The following RAB28 variants were observed in gnomAD, a reference collection of about 807,000 sequenced individuals.
The protein encoded by RAB28 is RAB28, member RAS oncogene family, also known as ras-related protein Rab-28.
Under a neutral mutation model 31.7 loss-of-function variants are expected in RAB28, and 24 were observed. The ratio of observed to expected loss-of-function variants is 0.76; its 90% CI spans 0.55 to 1.06. The LOEUF is 1.06. Among genes scored for constraint, RAB28 ranks in the 50% least tolerant of loss-of-function variants. RAB28 has a pLI of 0.00. For missense variants in RAB28, 254 were observed against 258.5 expected, an observed-to-expected ratio of 0.98 and a Z score of 0.12; for synonymous variants, 100 against 90.4, an observed-to-expected ratio of 1.11 and a Z score of -0.60.
At chr4:13,467,687 CAAAT>C (rs904966372) in intron 3 of RAB28, among the ~76,000 whole-genome samples, 6 of 151,774 alleles carry the variant, frequency 4.0e-5, no homozygotes, top group Non-Finnish European at 5.9e-5. Flanking sequence ...AGAAAATACT[CAAAT>C]AAAACCAGAG....
chr4:13,392,238 G>C (rs1199391413), intron 4 of RAB28, among the ~76,000 whole-genome samples: 4 of 152,024 alleles, frequency 2.6e-5, no homozygotes, highest in African/African-American at 9.7e-5. Context: ...CTGTATATTA[G>C]GATATAGAGA....
intron 4 of RAB28, 62 bp downstream of exon 4, chr4:13,460,637 A>C (rs1205746047): frequency 6.2e-7 from 1 of 1,601,700 alleles, no homozygotes; most frequent in Non-Finnish European, 8.5e-7. Flanking sequence ...GGGGGGACAC[A>C]AACATTCTGT....
chr4:13,474,831 C>T (rs1716277226), intron 2 of RAB28, among the ~76,000 whole-genome samples: 1 of 151,618 alleles, frequency 6.6e-6, no homozygotes, highest in African/African-American at 2.4e-5. Flanking sequence ...GTTCTAAACT[C>T]TATGGCTTCT....
intron 4 of RAB28, among the ~76,000 whole-genome samples, chr4:13,452,243 TTTTG>T (rs946791341): frequency 3.9e-4 from 60 of 151,990 alleles, no homozygotes; most frequent in African/African-American, 1.3e-3. Flanking sequence ...TTGTTGAAAT[TTTTG>T]TTTGTTTTTT....
intron 4 of RAB28, among the ~76,000 whole-genome samples, chr4:13,421,598 A>G (rs566950041): frequency 6.6e-5 from 10 of 152,294 alleles, no homozygotes; most frequent in Admixed American, 4.6e-4. Flanking sequence ...AAACAACACC[A>G]CACATCTACA....
Position 13,443,778 on chromosome 4 carries a change from A to G in RAB28, c.391+16921T>C, listed in dbSNP as rs1009805291. 5.3e-5 allele frequency among the ~76,000 whole-genome samples: 8 copies of G among 152,084 alleles called. No individual in the cohort carries two copies. In the East Asian group the frequency reaches 9.7e-4, roughly 18 times the overall value. On this transcript the variant is annotated intron_variant, in intron 4 of 6. Transcript: ENST00000330852. ...CTGTAGTTACCATGCTGTACAATAG[A>G]TCCCCAGAACTTATTCATCCTAAGT...
chr4:13,465,754 AACACACACACACAC>A (rs33979911), intron 3 of RAB28, among the ~76,000 whole-genome samples: 2 of 142,112 alleles, frequency 1.4e-5, no homozygotes, highest in East Asian at 2.1e-4. Context: ...GGCAATCATG[AACACACACACACAC>A]ACACACACAC....
intron 4 of RAB28, among the ~76,000 whole-genome samples, chr4:13,457,077 T>C (rs1715339274): frequency 1.3e-5 from 2 of 152,232 alleles, no homozygotes; most frequent in South Asian, 2.1e-4. Context: ...ACATTTCTTT[T>C]CAACATATGC....
At chr4:13,457,690 A>G (rs1162614863) in intron 4 of RAB28, among the ~76,000 whole-genome samples, 1 of 152,180 alleles carries the variant, frequency 6.6e-6, no homozygotes, top group Non-Finnish European at 1.5e-5. Context: ...ATAAATTCAA[A>G]TAACTTGTAC....
chr4:13,390,143 T>C (rs1560273007), intron 4 of RAB28, among the ~76,000 whole-genome samples: 3 of 152,170 alleles, frequency 2.0e-5, no homozygotes, highest in African/African-American at 7.2e-5. Context: ...GACATGATTG[T>C]ATATTTCGAA....
intron 4 of RAB28, among the ~76,000 whole-genome samples, chr4:13,431,261 C>A (rs535066992): frequency 3.9e-4 from 59 of 152,292 alleles, no homozygotes; most frequent in African/African-American, 1.3e-3. Flanking sequence ...CACAGCCACA[C>A]TGAATCCAGA....
chr4:13,480,581 C>G (rs1459107202), intron 1 of RAB28, among the ~76,000 whole-genome samples: 1 of 151,860 alleles, frequency 6.6e-6, no homozygotes, highest in African/African-American at 2.4e-5. Context: ...TTTGGCCAAA[C>G]TTCAATTCCT....
At chr4:13,463,332 G>A (rs1424267076) in intron 3 of RAB28, among the ~76,000 whole-genome samples, 1 of 152,158 alleles carries the variant, frequency 6.6e-6, no homozygotes, top group Non-Finnish European at 1.5e-5. Flanking sequence ...TACAGGATGA[G>A]AGATATGGAA....
chr4:13,482,883 C>T (rs1347590590), intron 1 of RAB28, among the ~76,000 whole-genome samples: 1 of 152,166 alleles, frequency 6.6e-6, no homozygotes, highest in Non-Finnish European at 1.5e-5. Context: ...GGTATCTGGG[C>T]AGTGCCAACT....
At position 13,381,699 on chromosome 4, in the gene RAB28, G is replaced by A. The variant is rs373641010; in HGVS notation, c.392-105C>T. On this transcript the variant is annotated intron_variant, in intron 4 of 6. Coordinates refer to ENST00000330852, the MANE Select transcript of RAB28 (RefSeq NM_001017979.3). The stretch of plus-strand genomic sequence containing the variant: ...CTTTCCAATATTATATTCCAGCTTC[G>A]ACATCAGCTGTGCAACCTTGGACAA... 220 of 752,096 alleles carry A rather than the reference G, an allele frequency of 2.9e-4. 1 individual carries two copies. Among genetic ancestry groups the A allele is most frequent in the South Asian group, 2.6e-3 (129 of 50,246 alleles). The allele number at this position is 752,096 out of a possible 1,614,324, so 46.6% of individuals were successfully genotyped here. A position where few individuals can be genotyped will look rare whatever the true frequency, so the allele number is the denominator to read the frequency against.
chr4:13,473,279 TCA>T (rs1716202615), intron 3 of RAB28, among the ~76,000 whole-genome samples: 1 of 151,952 alleles, frequency 6.6e-6, no homozygotes. Flanking sequence ...TGTATTTGTC[TCA>T]CTTAAAATAC....
At chr4:13,400,983 T>A (rs997418784) in intron 4 of RAB28, among the ~76,000 whole-genome samples, 1 of 152,206 alleles carries the variant, frequency 6.6e-6, no homozygotes, top group African/African-American at 2.4e-5. Flanking sequence ...GTCAAAGGAA[T>A]CTTTTGTATT....
At chr4:13,376,665 C>A in intron 5 of RAB28, 43 bp from the exon 6 acceptor site, 3 of 1,279,450 alleles carry the variant, frequency 2.3e-6, no homozygotes, top group Non-Finnish European at 1.1e-6. Context: ...AAGAGGCATG[C>A]TTAAGTTATC....
At chr4:13,433,513 G>C (rs531495785) in intron 4 of RAB28, among the ~76,000 whole-genome samples, 1 of 152,112 alleles carries the variant, frequency 6.6e-6, no homozygotes, top group African/African-American at 2.4e-5. Flanking sequence ...CACATGAACA[G>C]ACACTTTCAA....
Sources: allele counts gnomAD v4.1 joint callset (sites outside exome capture counted in the v4.1 genomes callset), GRCh38; gene constraint gnomAD v4.1.1; transcripts MANE v1.5; gene names NCBI Gene and HGNC (gene_info 2026-07-23, HGNC 2026-07-21).